SAMD12: variants seen among roughly 807,000 people sequenced by gnomAD.
The protein encoded by SAMD12 is sterile alpha motif domain containing 12.
SAMD12 carries 9 observed loss-of-function variants against 15.0 expected under a neutral mutation model. That is an observed-to-expected ratio of 0.60 (90% CI 0.36 to 1.05). The LOEUF is 1.05. Ranked by LOEUF, SAMD12 falls within the 50% of genes least tolerant of loss-of-function variation. The pLI, the probability that SAMD12 is intolerant of heterozygous loss-of-function variation, is 0.01. For missense variants in SAMD12, 230 were observed against 234.2 expected (o/e 0.98, Z 0.12); for synonymous variants, 86 against 90.1 (o/e 0.96, Z 0.25).
chr8:118,561,515 GA>G (rs1475375212), intron 2 of SAMD12, among the ~76,000 whole-genome samples: 2 of 152,208 alleles, frequency 1.3e-5, no homozygotes, highest in Non-Finnish European at 2.9e-5. Flanking sequence ...GAGGCCTCAG[GA>G]AACTTACAAT....
At chr8:118,475,804 G>A (rs748975973) in intron 2 of SAMD12, among the ~76,000 whole-genome samples, 3 of 152,168 alleles carry the variant, frequency 2.0e-5, no homozygotes, top group African/African-American at 4.8e-5. Flanking sequence ...ATCCATTAGC[G>A]TCACCATGTA....
intron 2 of SAMD12, among the ~76,000 whole-genome samples, chr8:118,530,036 C>T (rs1325359851): frequency 1.3e-5 from 2 of 152,228 alleles, no homozygotes; most frequent in African/African-American, 4.8e-5. Context: ...TCCTCCCCAA[C>T]ATCTGTTGTT....
chr8:118,421,273 T>A (rs1821985491), intron 3 of SAMD12, among the ~76,000 whole-genome samples: 1 of 152,242 alleles, frequency 6.6e-6, no homozygotes, highest in Non-Finnish European at 1.5e-5. Context: ...TGCTCCTACT[T>A]ATTTTCTACT....
intron 2 of SAMD12, among the ~76,000 whole-genome samples, chr8:118,494,713 GT>G (rs1367477694): frequency 6.6e-6 from 1 of 152,044 alleles, no homozygotes. Flanking sequence ...CAGTCCTTCT[GT>G]TGTGCTTCCC....
At chr8:118,294,924 A>G (rs1465563685) in intron 4 of SAMD12, among the ~76,000 whole-genome samples, 2 of 152,200 alleles carry the variant, frequency 1.3e-5, no homozygotes, top group Admixed American at 1.3e-4. Flanking sequence ...TACTGTCAAC[A>G]GAATTGTCAA....
At chr8:118,431,816 A>T (rs2130871049) in intron 3 of SAMD12, among the ~76,000 whole-genome samples, 1 of 151,678 alleles carries the variant, frequency 6.6e-6, no homozygotes. Flanking sequence ...TAGTTTTGGA[A>T]ATCTGTTGTC....
chr8:118,308,454 C>T (rs1815455024), intron 4 of SAMD12, among the ~76,000 whole-genome samples: 1 of 152,148 alleles, frequency 6.6e-6, no homozygotes, highest in African/African-American at 2.4e-5. Context: ...GCTTCACTCC[C>T]ATTTTGCAGG....
intron 1 of SAMD12, among the ~76,000 whole-genome samples, chr8:118,616,191 A>T (rs1255771374): frequency 6.6e-6 from 1 of 152,232 alleles, no homozygotes; most frequent in Non-Finnish European, 1.5e-5. Context: ...AGTACCTATG[A>T]GGGAAACTTG....
chr8:118,357,739 C>G (rs1343053858), intron 4 of SAMD12, among the ~76,000 whole-genome samples: 1 of 152,186 alleles, frequency 6.6e-6, no homozygotes. Flanking sequence ...TATTCTAAAT[C>G]CTTAATGTAG....
rs17484859 is a variant in SAMD12, at chr8:118,203,029, C to T, written c.434-5297G>A. Among the ~76,000 whole-genome samples, 1,042 of 152,288 alleles carry T rather than the reference C, an allele frequency of 6.8e-3. 14 individuals carry two copies. Among genetic ancestry groups the T allele is most frequent in the African/African-American group, 0.024 (987 of 41,562 alleles). ...CACACAGAGAAAATGACAGCAGGGT[C>T]GTTAGCTGGCACAGCCACAGTGCTA... On this transcript the variant is annotated intron_variant, in intron 4 of 4. Transcript: ENST00000409003.
chr8:118,545,520 C>T (rs962194402), intron 2 of SAMD12, among the ~76,000 whole-genome samples: 1 of 152,118 alleles, frequency 6.6e-6, no homozygotes, highest in Non-Finnish European at 1.5e-5. Context: ...AAACACCACA[C>T]AGGTATTTAT....
chr8:118,133,020 A>C, the SAMD12 span, among the ~76,000 whole-genome samples: 39 of 97,270 alleles, frequency 4.0e-4, 1 homozygote, highest in African/African-American at 1.3e-3. Context: ...ATATATATAT[A>C]TATATATCTT....
intron 4 of SAMD12, among the ~76,000 whole-genome samples, chr8:118,235,034 T>C (rs1288023983): frequency 1.3e-5 from 2 of 152,130 alleles, no homozygotes; most frequent in African/African-American, 2.4e-5. Context: ...TATCCACTTC[T>C]TGGTAATCAG....
At chr8:118,193,520 A>C (rs1819466335) in exon 5 of SAMD12, 2 of 152,200 alleles carry the variant, frequency 1.3e-5, no homozygotes, top group South Asian at 2.1e-4. Context: ...CTGGAGTAGA[A>C]ACATCTCCTG....
intron 3 of SAMD12, among the ~76,000 whole-genome samples, chr8:118,404,399 G>C (rs755327102): frequency 6.6e-6 from 1 of 151,980 alleles, no homozygotes; most frequent in South Asian, 2.1e-4. Context: ...ATACTTTTTC[G>C]GTCTCATTCT....
intron 4 of SAMD12, among the ~76,000 whole-genome samples, chr8:118,358,658 T>G (rs1818344258): frequency 6.6e-6 from 1 of 152,200 alleles, no homozygotes; most frequent in African/African-American, 2.4e-5. Flanking sequence ...GTTTTAGCAC[T>G]ATCCCCTGCA....
chr8:118,335,910 C>CT (rs1735125314), intron 4 of SAMD12, among the ~76,000 whole-genome samples: 1 of 152,038 alleles, frequency 6.6e-6, no homozygotes, highest in Admixed American at 6.6e-5. Flanking sequence ...AAGTTTTGTA[C>CT]TTTTTATAAA....
chr8:118,188,633 C>A (rs1819283822), downstream of SAMD12, among the ~76,000 whole-genome samples: 1 of 152,058 alleles, frequency 6.6e-6, no homozygotes, highest in African/African-American at 2.4e-5. Context: ...CTGGTTGAGG[C>A]AATTCATCAT....
At chr8:118,191,878 T>C (rs1469811182) in exon 5 of SAMD12, 1 of 125,364 alleles carries the variant, frequency 8.0e-6, no homozygotes, top group East Asian at 2.5e-4. Context: ...GATTTAGGGA[T>C]CATAGAATCA....
Sources: gnomAD v4.1 joint callset for allele counts (sites outside exome capture counted in the v4.1 genomes callset) on GRCh38, gnomAD v4.1.1 for gene constraint, MANE v1.5 for transcripts, NCBI Gene and HGNC (gene_info 2026-07-23, HGNC 2026-07-21) for gene names.